The following ISCA2 variants were observed in gnomAD, a reference collection of about 807,000 sequenced individuals.
ISCA2 encodes the protein iron-sulfur cluster assembly 2.
Under a neutral mutation model 19.1 loss-of-function variants are expected in ISCA2, and 21 were observed. That is an observed-to-expected ratio of 1.10 (90% CI 0.78 to 1.59). The LOEUF is 1.59. ISCA2 is among the 40% of genes most tolerant of loss of function. ISCA2 has a pLI of 0.00. For missense variants in ISCA2, 181 were observed against 191.7 expected (o/e 0.94, Z 0.33); for synonymous variants, 107 against 83.8 (o/e 1.28, Z -1.51).
Position 74,494,910 on chromosome 14 carries a change from A to G in ISCA2, c.375A>G (p.Gln125=), listed in dbSNP as rs1026134442. 3.1e-6 allele frequency: 5 copies of G among 1,614,050 alleles called. No individual in the cohort carries two copies. The African/African-American group carries it at 4.0e-5, about 13-fold the overall frequency. Residue 125 remains glutamine, a synonymous_variant, in exon 4 of 4, where the codon CAA becomes CAG. Transcript: ENST00000556816. The part of the protein sequence containing the change: ...FVKGAQVDFS[Q]ELIRSSFQVL... ...AAGGGGCCCAGGTGGACTTCAGCCA[A>G]GAACTGATCCGAAGCTCATTTCAAG...
Position 74,494,305 on chromosome 14 carries a change from T to C in ISCA2, c.205T>C (p.Phe69Leu). The change falls in exon 3 of 4, where the codon TTC becomes CTC. Residue 69 changes from phenylalanine (F) to leucine (L), a missense_variant. Transcript: ENST00000556816. ...TTTGGAAATCACCGAAGGGTCAGAATTCCTCAGGCTGCAAGTGGAGGGAGG... is the reference window on the plus strand; with the variant it reads ...TTTGGAAATCACCGAAGGGTCAGAACTCCTCAGGCTGCAAGTGGAGGGAGG... Reference protein sequence around the residue: ...RLLEITEGSEFLRLQVEGGGC... With the variant: ...RLLEITEGSELLRLQVEGGGC... 6.2e-7 allele frequency: 1 copy of C among 1,614,186 alleles called. No individual in the cohort carries two copies. The highest frequency in any genetic ancestry group is 8.5e-7 in the Non-Finnish European group (1 of 1,179,994).
intron 3 of ISCA2, 34 bp from the exon 4 acceptor site, chr14:74,494,792 G>T: frequency 6.3e-7 from 1 of 1,596,774 alleles, no homozygotes. Context: ...TTGTGTTTGC[G>T]ATACTCCTTA....
Position 74,494,806 on chromosome 14 carries a change from C to G in ISCA2, c.291-20C>G. On this transcript the variant is annotated intron_variant, in intron 3 of 3. Coordinates refer to ENST00000556816, the MANE Select transcript of ISCA2 (RefSeq NM_194279.4). ...TTTGTGTTTGCGATACTCCTTAATG[C>G]CTTCCTCCTGTCTTTTCAGGGTATT... 6.2e-7 allele frequency: 1 copy of G among 1,611,638 alleles called. No homozygotes were observed. The highest frequency in any genetic ancestry group is 8.5e-7 in the Non-Finnish European group (1 of 1,178,274).
chr14:74,494,890 G>A lies in ISCA2; in HGVS notation c.355G>A (p.Ala119Thr), dbSNP rs1595231072. 6.2e-7 allele frequency: 1 copy of A among 1,614,132 alleles called. No individual in the cohort carries two copies. The highest frequency in any genetic ancestry group is 8.5e-7 in the Non-Finnish European group (1 of 1,179,976). ...TGATAGCTTGGCCTTCGTGAAAGGG[G>A]CCCAGGTGGACTTCAGCCAAGAACT... is the stretch of plus-strand genomic sequence containing the variant. ...DSDSLAFVKG[A>T]QVDFSQELIR... The change falls in exon 4 of 4, where the codon GCC becomes ACC. Residue 119 changes from alanine to threonine, a missense_variant. Physicochemically the swap from Ala to Thr is moderately conservative, Grantham distance 58. Coordinates refer to ENST00000556816, the MANE Select transcript of ISCA2 (RefSeq NM_194279.4).
Position 74,494,146 on chromosome 14 carries a change from CG to C in ISCA2, c.169del (p.Val57SerfsTer60), listed in dbSNP as rs1298854717. 1.3e-6 allele frequency: 2 copies of C among 1,588,454 alleles called. No individual in the cohort carries two copies. The highest frequency in any genetic ancestry group is 1.7e-6 in the Non-Finnish European group (2 of 1,167,790). ...EGQIRLTDSCVQRLLEITEGS... is the reference protein window; with the variant it reads ...EGQIRLTDSCXQRLLEITEGS... Reference sequence around the variant, plus strand: ...GGCAGATCCGCCTCACAGACAGTTGCGTCCAGGTAGGAGGCCGGACGCGGAG... The same window carrying C: ...GGCAGATCCGCCTCACAGACAGTTGCTCCAGGTAGGAGGCCGGACGCGGAG... On this transcript the variant is annotated frameshift_variant, in exon 2 of 4. Coordinates refer to ENST00000556816, the MANE Select transcript of ISCA2 (RefSeq NM_194279.4). LOFTEE classifies it high-confidence loss of function.
At position 74,495,059 on chromosome 14, in the gene ISCA2, TTAG is replaced by T; in HGVS notation, c.*63_*65del. On this transcript the variant is annotated 3_prime_UTR_variant, in exon 4 of 4. Transcript: ENST00000556816. ...TTGTACCAATTTGAAGAACCTGGAA[TTAG>T]TAGAATTCTAGAAGTTTACTTCTAA... is the stretch of plus-strand genomic sequence containing the variant. 2.4e-6 allele frequency: 3 copies of T among 1,266,596 alleles called. No individual in the cohort carries two copies. Among genetic ancestry groups the T allele is most frequent in the Middle Eastern group, 2.7e-4 (1 of 3,700 alleles). The allele number at this position is 1,266,596 out of a possible 1,614,324, so 78.5% of individuals were successfully genotyped here.
chr14:74,494,144 T>G lies in ISCA2; in HGVS notation c.166T>G (p.Cys56Gly), dbSNP rs2139678062. 1 of 1,588,734 alleles carries G rather than the reference T, an allele frequency of 6.3e-7. No individual in the cohort carries two copies. Among genetic ancestry groups the G allele is most frequent in the East Asian group, 2.3e-5 (1 of 43,452 alleles). ...AGGGCAGATCCGCCTCACAGACAGTTGCGTCCAGGTAGGAGGCCGGACGCG... is the reference window on the plus strand; with the variant it reads ...AGGGCAGATCCGCCTCACAGACAGTGGCGTCCAGGTAGGAGGCCGGACGCG... ...GEGQIRLTDS[C>G]VQRLLEITEG... Residue 56 changes from cysteine to glycine, a missense_variant, in exon 2 of 4, where the codon TGC (cysteine) becomes GGC (glycine). Physicochemically the swap from Cys to Gly is radical, Grantham distance 159. Transcript: ENST00000556816.
chr14:74,496,411 T>C lies in ISCA2; in HGVS notation c.*1411T>C, dbSNP rs943692345. The C allele has an allele frequency of 2.6e-5, 4 of 152,158 alleles. No individual in the cohort carries two copies. Among genetic ancestry groups the C allele is most frequent in the Admixed American group, 6.6e-5 (1 of 15,266 alleles). The allele number at this position is 152,158 out of a possible 1,614,324, so 9.4% of individuals were successfully genotyped here. On this transcript the variant is annotated 3_prime_UTR_variant, in exon 4 of 4. Coordinates refer to ENST00000556816, the MANE Select transcript of ISCA2 (RefSeq NM_194279.4). ...CTAGGACTTAGAGAAAACAAACCTA[T>C]CATGCGGTTAGAGGAGAGAAGGGGA...
Position 74,495,810 on chromosome 14 carries a change from G to A in ISCA2, c.*810G>A, listed in dbSNP as rs554816545. On this transcript the variant is annotated 3_prime_UTR_variant, in exon 4 of 4. Coordinates refer to ENST00000556816, the MANE Select transcript of ISCA2 (RefSeq NM_194279.4). ...TTATTGTTATAGGTAATAGATTCTT[G>A]GGAACCTTTTTTTAGATTGGGTTAC... 6 of 152,174 alleles carry A rather than the reference G, an allele frequency of 3.9e-5. No homozygotes were observed. Among genetic ancestry groups the A allele is most frequent in the African/African-American group, 1.4e-4 (6 of 41,498 alleles). The allele number at this position is 152,174 out of a possible 1,614,324, so 9.4% of individuals were successfully genotyped here.
intron 3 of ISCA2, 89 bp downstream of exon 3, chr14:74,494,479 G>C: frequency 1.1e-6 from 1 of 925,926 alleles, no homozygotes; most frequent in Non-Finnish European, 1.7e-6. Context: ...CAAATTTAAA[G>C]GGTTTACCTG....
Position 74,493,785 on chromosome 14 carries a change from C to A in ISCA2, c.11C>A (p.Ala4Asp), listed in dbSNP as rs1214092510. 1 of 1,528,702 alleles carries A rather than the reference C, an allele frequency of 6.5e-7. No individual in the cohort carries two copies. The highest frequency in any genetic ancestry group is 8.8e-7 in the Non-Finnish European group (1 of 1,140,586). The allele number at this position is 1,528,702 out of a possible 1,614,324, so 94.7% of individuals were successfully genotyped here. A position where few individuals can be genotyped will look rare whatever the true frequency, so the allele number is the denominator to read the frequency against. Residue 4 changes from alanine to aspartate, a missense_variant, in exon 1 of 4, where the codon GCC (alanine) becomes GAC (aspartate). Transcript: ENST00000556816. The surrounding 1 kb of genome is among the most constrained non-coding windows in gnomAD (Gnocchi z 4.1). MAA[A>D]WGSSLTAATQ... The stretch of plus-strand genomic sequence containing the variant: ...AGCTTGTGGAGGAAGATGGCTGCCG[C>A]CTGGGGGTCGTCCCTAACGGCCGCG...
Position 74,495,143 on chromosome 14 carries a change from A to C in ISCA2, c.*143A>C, listed in dbSNP as rs911434424. 3.4e-5 allele frequency: 22 copies of C among 651,970 alleles called. No individual in the cohort carries two copies. In the South Asian group the frequency reaches 4.6e-4, roughly 14 times the overall value. 40.4% of individuals were successfully genotyped at this position (651,970 alleles called of 1,614,324 possible). A position where few individuals can be genotyped will look rare whatever the true frequency, so the allele number is the denominator to read the frequency against. On this transcript the variant is annotated 3_prime_UTR_variant, in exon 4 of 4. Coordinates refer to ENST00000556816, the MANE Select transcript of ISCA2 (RefSeq NM_194279.4). ...TCCAGGAGTGTTATGTTTTGCCACT[A>C]TTATTTTCAGAATGTGAAGATTTTA...
rs2086846331 is a variant in ISCA2, at chr14:74,496,338, G to A, written c.*1338G>A. 1 of 152,174 alleles carries A rather than the reference G, an allele frequency of 6.6e-6. No individual in the cohort carries two copies. Among genetic ancestry groups the A allele is most frequent in the Non-Finnish European group, 1.5e-5 (1 of 68,022 alleles). 9.4% of individuals were successfully genotyped at this position (152,174 alleles called of 1,614,324 possible). On this transcript the variant is annotated 3_prime_UTR_variant, in exon 4 of 4. Coordinates refer to ENST00000556816, the MANE Select transcript of ISCA2 (RefSeq NM_194279.4). ...TTTAAAAAAATGGAAATAGAGTTTAGAAAATATCTGAGACAGAAACTTAGA... is the reference window on the plus strand; with the variant it reads ...TTTAAAAAAATGGAAATAGAGTTTAAAAAATATCTGAGACAGAAACTTAGA...
chr14:74,494,256 C>A lies in ISCA2; in HGVS notation c.175-19C>A, dbSNP rs1566606931. On this transcript the variant is annotated intron_variant, in intron 2 of 3. Coordinates refer to ENST00000556816, the MANE Select transcript of ISCA2 (RefSeq NM_194279.4). ...ACTCCCGTTTCCCGCTATTCTTGAT[C>A]CCCCTTCCTGCATTTCAGAGGCTTT... The A allele has an allele frequency of 6.2e-7, 1 of 1,606,364 alleles. No individual in the cohort carries two copies. Among genetic ancestry groups the A allele is most frequent in the Non-Finnish European group, 8.5e-7 (1 of 1,172,968 alleles).
rs143682573 is a variant in ISCA2, at chr14:74,494,880, C to A, written c.345C>A (p.Phe115Leu). ...TGGTTGACTCTGATAGCTTGGCCTT[C>A]GTGAAAGGGGCCCAGGTGGACTTCA... ...RVVVDSDSLAFVKGAQVDFSQ... is the reference protein window; with the variant it reads ...RVVVDSDSLALVKGAQVDFSQ... Residue 115 changes from phenylalanine to leucine, a missense_variant, in exon 4 of 4, where the codon TTC becomes TTA. Phe to Leu is a conservative substitution (Grantham distance 22). Transcript: ENST00000556816. 6.2e-7 allele frequency: 1 copy of A among 1,614,110 alleles called. No individual in the cohort carries two copies. Among genetic ancestry groups the A allele is most frequent in the African/African-American group, 1.3e-5 (1 of 75,038 alleles).
intron 3 of ISCA2, 98 bp from the exon 4 acceptor site, chr14:74,494,728 T>C (rs1566607253): frequency 9.4e-7 from 1 of 1,058,972 alleles, no homozygotes; most frequent in Non-Finnish European, 1.4e-6. Flanking sequence ...GGAAGCTCCC[T>C]CTGTACTTTA....
At position 74,494,082 on chromosome 14, in the gene ISCA2, G is replaced by T. The variant is rs1336080975; in HGVS notation, c.104G>T (p.Arg35Leu). 1 of 1,556,270 alleles carries T rather than the reference G, an allele frequency of 6.4e-7. No individual in the cohort carries two copies. Among genetic ancestry groups the T allele is most frequent in the South Asian group, 1.2e-5 (1 of 85,416 alleles). Residue 35 changes from arginine (R) to leucine (L), a missense_variant, in exon 2 of 4, where the codon CGT becomes CTT. By Grantham distance (102) the Arg-to-Leu change is moderately radical. Transcript: ENST00000556816. ...ACGGCCTCCCTGGGACCCCAGGCGC[G>T]TCGGGAGGCGTCGTCCTCCAGCCCC... Reference protein sequence around the residue: ...LLTASLGPQARREASSSSPEA... With the variant: ...LLTASLGPQALREASSSSPEA...
rs2086812661 is a variant in ISCA2 at position 74,493,926 on chromosome 14, G to C, written c.71+81G>C. ...AAATGGGAAACTAAGGCCTGTGGGG[G>C]ATGCGAGGGTTTGGTGGGAGGCCGT... On this transcript the variant is annotated intron_variant, in intron 1 of 3. Coordinates refer to ENST00000556816, the MANE Select transcript of ISCA2 (RefSeq NM_194279.4). This position sits in a 1 kb window ranked among gnomAD's most constrained non-coding sequence, Gnocchi z 4.1. The C allele has an allele frequency of 2.7e-6, 4 of 1,483,634 alleles. No individual in the cohort carries two copies. The highest frequency in any genetic ancestry group is 3.7e-6 in the Non-Finnish European group (4 of 1,088,566). 91.9% of individuals were successfully genotyped at this position (1,483,634 alleles called of 1,614,324 possible). A position where few individuals can be genotyped will look rare whatever the true frequency, so the allele number is the denominator to read the frequency against.
chr14:74,494,928 A>G lies in ISCA2; in HGVS notation c.393A>G (p.Ser131=), dbSNP rs775160250. The G allele has an allele frequency of 6.2e-7, 1 of 1,613,500 alleles. No homozygotes were observed. The highest frequency in any genetic ancestry group is 1.1e-5 in the South Asian group (1 of 91,058). ...VDFSQELIRS[S]FQVLNNPQAQ... is the part of the protein sequence containing the mutation. ...TCAGCCAAGAACTGATCCGAAGCTCATTTCAAGTGTTGAACAATCCTCAAG... is the reference window on the plus strand; with the variant it reads ...TCAGCCAAGAACTGATCCGAAGCTCGTTTCAAGTGTTGAACAATCCTCAAG... Residue 131 remains serine, a synonymous_variant, in exon 4 of 4, where the codon TCA becomes TCG. Coordinates refer to ENST00000556816, the MANE Select transcript of ISCA2 (RefSeq NM_194279.4).
Sources: allele counts gnomAD v4.1 joint callset, GRCh38; gene constraint gnomAD v4.1.1; non-coding constraint Gnocchi (gnomAD v3.1); transcripts MANE v1.5; gene names NCBI Gene and HGNC (gene_info 2026-07-23, HGNC 2026-07-21).